Variants in FNDC8 observed in about 807,000 individuals in gnomAD.
FNDC8 encodes fibronectin type III domain containing 8.
In FNDC8, 23 loss-of-function variants were observed where a neutral mutation model predicts 24.8. The observed-to-expected ratio is 0.93, with a 90% CI of 0.67 to 1.31. The LOEUF (loss-of-function observed/expected upper bound fraction) is 1.31. Among genes scored for constraint, FNDC8 ranks in the 40% most tolerant of loss-of-function variants. FNDC8 has a pLI of 0.00. For synonymous variants in FNDC8, 158 were observed against 165.3 expected (o/e 0.96, Z 0.34); for missense variants, 371 against 398.2 (o/e 0.93, Z 0.58).
intron 3 of FNDC8, chr17:35,129,910 C>T (rs543517567): frequency 7.2e-7 from 1 of 1,393,422 alleles, no homozygotes; most frequent in Admixed American, 3.0e-5. Flanking sequence ...CTTCCAAAGC[C>T]ATTGGTTTTT....
chr17:35,122,161 T>C (rs1371182591), intron 1 of FNDC8, among the ~76,000 whole-genome samples: 3 of 22,586 alleles, frequency 1.3e-4, no homozygotes, highest in Non-Finnish European at 2.2e-4. Context: ...AATTTTCATA[T>C]ATATATATAT....
Position 35,121,917 on chromosome 17 carries a change from T to C in FNDC8, c.209+15T>C. ...ATCAACCTACTGTAAGTCACAAATC[T>C]GGTCCCTCCCTCCCTCCCTCCCTCC... On this transcript the variant is annotated intron_variant, in intron 1 of 3. Coordinates refer to ENST00000158009, the MANE Select transcript of FNDC8 (RefSeq NM_017559.4). 6.3e-7 allele frequency: 1 copy of C among 1,598,944 alleles called. No homozygotes were observed. The highest frequency in any genetic ancestry group is 8.6e-7 in the Non-Finnish European group (1 of 1,168,870).
chr17:35,125,255 T>C (rs2091844690), intron 1 of FNDC8, among the ~76,000 whole-genome samples: 1 of 151,864 alleles, frequency 6.6e-6, no homozygotes, highest in African/African-American at 2.4e-5. Flanking sequence ...CTGGGCAACA[T>C]GGCAAAACCC....
In FNDC8 at chr17:35,129,852, A is replaced by C. The variant is rs1041553282; in HGVS notation, c.822+194A>C. On this transcript the variant is annotated intron_variant, in intron 3 of 3. Transcript: ENST00000158009. ...TAAGGATTAAGCCACTCTGGGGCCC[A>C]CTAGGAATGCAAACGAATGTATTTT... 9 of 1,424,636 alleles carry C rather than the reference A, an allele frequency of 6.3e-6. No homozygotes were observed. The African/African-American group carries it at 1.2e-4, about 18-fold the overall frequency. The allele number at this position is 1,424,636 out of a possible 1,614,324, so 88.2% of individuals were successfully genotyped here.
Position 35,129,536 on chromosome 17 carries a change from ATCT to A in FNDC8, c.703_705del (p.Phe235del). ...GCCCGAGGCAAAGAATCGTCCATGG[ATCT>A]TCAACAAGATTTTGGGCACTACTGT... On this transcript the variant is annotated inframe_deletion, in exon 3 of 4. Transcript: ENST00000158009. 1 of 1,614,226 alleles carries A rather than the reference ATCT, an allele frequency of 6.2e-7. No homozygotes were observed. The highest frequency in any genetic ancestry group is 1.3e-5 in the African/African-American group (1 of 75,046).
chr17:35,122,157 CAT>C (rs1161260066), intron 1 of FNDC8, among the ~76,000 whole-genome samples: 46 of 36,446 alleles, frequency 1.3e-3, no homozygotes, highest in Admixed American at 2.1e-3. Flanking sequence ...GGCTAATTTT[CAT>C]ATATATATAT....
Position 35,130,372 on chromosome 17 carries a change from G to T in FNDC8, c.913G>T (p.Val305Leu), listed in dbSNP as rs751094213. The change falls in exon 4 of 4, where the codon GTG becomes TTG. Residue 305 changes from valine (V) to leucine (L), a missense_variant. By Grantham distance (32) the Val-to-Leu change is conservative. Coordinates refer to ENST00000158009, the MANE Select transcript of FNDC8 (RefSeq NM_017559.4). ...GCGCAAGGAACCCCGGCAAAAGATC[G>T]TGTCCATCGGGCCGGAGGAGATGCG... ...VRRKEPRQKI[V>L]SIGPEEMRRL... is the part of the protein sequence containing the mutation. The T allele has an allele frequency of 1.2e-6, 2 of 1,613,998 alleles. No homozygotes were observed. The highest frequency in any genetic ancestry group is 1.7e-6 in the Non-Finnish European group (2 of 1,180,010).
intron 1 of FNDC8, among the ~76,000 whole-genome samples, chr17:35,126,500 T>A (rs1211569379): frequency 2.2e-4 from 32 of 147,516 alleles, no homozygotes; most frequent in East Asian, 7.9e-4. Context: ...TTCTAAGCTT[T>A]TTTTTTTTTT....
At chr17:35,129,306 G>A (rs988100162) in intron 2 of FNDC8, 116 bp from the exon 3 acceptor site, 2 of 1,344,736 alleles carry the variant, frequency 1.5e-6, no homozygotes, top group African/African-American at 2.9e-5. Context: ...TGACCTGCCT[G>A]GGCCCCAGCA....
chr17:35,129,882 C>A, intron 3 of FNDC8: 1 of 1,413,132 alleles, frequency 7.1e-7, no homozygotes, highest in South Asian at 1.6e-5. Context: ...TATTTTTCAA[C>A]ATCACTATAA....
chr17:35,126,165 A>G (rs2091848461), intron 1 of FNDC8, among the ~76,000 whole-genome samples: 2 of 151,768 alleles, frequency 1.3e-5, no homozygotes, highest in Non-Finnish European at 2.9e-5. Flanking sequence ...CAGGTAATAC[A>G]CCCACCTTGG....
intron 3 of FNDC8, 154 bp downstream of exon 3, chr17:35,129,812 T>C: frequency 6.9e-7 from 1 of 1,442,728 alleles, no homozygotes; most frequent in East Asian, 2.5e-5. Flanking sequence ...CCAGAATGCA[T>C]GCTTCTGGGA....
Position 35,130,452 on chromosome 17 carries a change from C to T in FNDC8, c.*18C>T, listed in dbSNP as rs750125681. The T allele has an allele frequency of 1.2e-6, 2 of 1,609,368 alleles. No homozygotes were observed. Among genetic ancestry groups the T allele is most frequent in the African/African-American group, 2.7e-5 (2 of 74,830 alleles). Reference sequence around the variant, plus strand: ...CCTGTTAAGGGGGAGGGCCCCAGGACACCCCTCACCTACTTTCAGCTTCAA... The same window carrying T: ...CCTGTTAAGGGGGAGGGCCCCAGGATACCCCTCACCTACTTTCAGCTTCAA... On this transcript the variant is annotated 3_prime_UTR_variant, in exon 4 of 4. Coordinates refer to ENST00000158009, the MANE Select transcript of FNDC8 (RefSeq NM_017559.4).
At chr17:35,126,546 A>C in intron 1 of FNDC8, among the ~76,000 whole-genome samples, 1 of 131,390 alleles carries the variant, frequency 7.6e-6, no homozygotes, top group Admixed American at 9.2e-5. Context: ...TCTGTCACCC[A>C]GGCTGGAGTG....
intron 1 of FNDC8, 102 bp downstream of exon 1, chr17:35,122,004 T>G (rs1597881066): frequency 1.5e-6 from 1 of 676,752 alleles, no homozygotes; most frequent in Non-Finnish European, 2.3e-6. Context: ...TTTTTTTTTT[T>G]GACAGGATCT....
intron 2 of FNDC8, chr17:35,128,699 A>C (rs1293609134): frequency 6.5e-6 from 1 of 153,476 alleles, no homozygotes; most frequent in African/African-American, 2.4e-5. Context: ...CATGGAAGAT[A>C]ATTTTTCCAT....
chr17:35,121,987 CTTTTT>C (rs60097491), intron 1 of FNDC8, 85 bp downstream of exon 1: 258 of 636,610 alleles, frequency 4.1e-4, no homozygotes, highest in East Asian at 6.2e-4. Context: ...TCCTTCCTTC[CTTTTT>C]TTTTTTTTTT....
intron 1 of FNDC8, among the ~76,000 whole-genome samples, chr17:35,122,882 T>C (rs1332987332): frequency 6.6e-6 from 1 of 152,194 alleles, no homozygotes; most frequent in Non-Finnish European, 1.5e-5. Flanking sequence ...ATGGGGATCA[T>C]GCAATAACCA....
At chr17:35,122,085 A>G (rs1171379829) in intron 1 of FNDC8, among the ~76,000 whole-genome samples, 183 bp downstream of exon 1, 3 of 127,974 alleles carry the variant, frequency 2.3e-5, no homozygotes, top group African/African-American at 5.9e-5. Flanking sequence ...CTTGAGCTCA[A>G]GTGATCTTCC....
Sources: gnomAD v4.1 joint callset for allele counts (sites outside exome capture counted in the v4.1 genomes callset) on GRCh38, gnomAD v4.1.1 for gene constraint, MANE v1.5 for transcripts, NCBI Gene and HGNC (gene_info 2026-07-23, HGNC 2026-07-21) for gene names.